The following SLC67A1 variants were observed in gnomAD, a reference collection of about 807,000 sequenced individuals.
The protein encoded by SLC67A1 is solute carrier family 67 member 1.
chr11:2,912,906 T>C, the SLC67A1 span, among the ~76,000 whole-genome samples: 1 of 152,012 alleles, frequency 6.6e-6, no homozygotes, highest in African/African-American at 2.4e-5. Context: ...GCCGGTGCCA[T>C]GGGGGTGCCA....
At chr11:2,903,563 C>A in the SLC67A1 span, 1 of 1,547,504 alleles carries the variant, frequency 6.5e-7, no homozygotes, top group Non-Finnish European at 8.9e-7. Flanking sequence ...CCATCTGGGC[C>A]GTCGCAGAGA....
At chr11:2,919,239 C>T in the SLC67A1 span, 33 of 1,131,474 alleles carry the variant, frequency 2.9e-5, no homozygotes, top group Non-Finnish European at 3.7e-5. Flanking sequence ...GCTGCTGAGG[C>T]GGGAGGGAGG....
the SLC67A1 span, among the ~76,000 whole-genome samples, chr11:2,924,771 A>T: frequency 6.6e-6 from 1 of 151,632 alleles, no homozygotes; most frequent in African/African-American, 2.4e-5. The surrounding 1 kb of genome is among the most constrained non-coding windows in gnomAD (Gnocchi z 8.6). Flanking sequence ...GTGGGTAGAG[A>T]GAGCTGTGTT....
At chr11:2,903,541 TCCTCCTGC>T in the SLC67A1 span, 3 of 1,600,496 alleles carry the variant, frequency 1.9e-6, no homozygotes, top group East Asian at 4.5e-5. Flanking sequence ...GAACCGCTGT[TCCTCCTGC>T]CCTCCATCTG....
chr11:2,919,494 G>A, the SLC67A1 span: 1 of 955,880 alleles, frequency 1.0e-6, no homozygotes, highest in Non-Finnish European at 1.7e-6. Context: ...CTCCCCGGCG[G>A]AGGCTGGGGA....
At chr11:2,908,442 A>T in the SLC67A1 span, 1 of 726,590 alleles carries the variant, frequency 1.4e-6, no homozygotes, top group East Asian at 3.0e-5. Context: ...CCCCCCTGGG[A>T]TGACGGCACT....
the SLC67A1 span, among the ~76,000 whole-genome samples, chr11:2,917,398 C>T: frequency 1.6e-4 from 24 of 152,060 alleles, no homozygotes; most frequent in Admixed American, 1.5e-3. Flanking sequence ...GGGGGAGGGC[C>T]GGGTGGAGAT....
At chr11:2,902,603 G>A in the SLC67A1 span, 7 of 985,530 alleles carry the variant, frequency 7.1e-6, no homozygotes, top group South Asian at 3.3e-4. Context: ...CAGATGTGCA[G>A]TCAGCTGTTA....
the SLC67A1 span, among the ~76,000 whole-genome samples, chr11:2,906,872 CAAAA>C: frequency 1.0e-4 from 14 of 133,698 alleles, no homozygotes; most frequent in Admixed American, 7.9e-4. Context: ...AATAAAAAAA[CAAAA>C]AGAGAGAAAA....
the SLC67A1 span, among the ~76,000 whole-genome samples, chr11:2,911,521 C>A: frequency 3.3e-5 from 5 of 152,172 alleles, no homozygotes; most frequent in South Asian, 4.1e-4. Context: ...GAGGAGGGCA[C>A]GGGGAGGAGC....
chr11:2,913,373 G>C, the SLC67A1 span, among the ~76,000 whole-genome samples: 2 of 152,172 alleles, frequency 1.3e-5, no homozygotes, highest in Non-Finnish European at 2.9e-5. Flanking sequence ...CCTCCTGCTG[G>C]GCCCGTGAGT....
the SLC67A1 span, chr11:2,909,343 G>C: frequency 6.6e-7 from 1 of 1,512,320 alleles, no homozygotes; most frequent in Admixed American, 2.1e-5. Flanking sequence ...GAGCGCTCAT[G>C]CACACGCTGC....
At chr11:2,900,942 A>G in the SLC67A1 span, among the ~76,000 whole-genome samples, 1 of 152,110 alleles carries the variant, frequency 6.6e-6, no homozygotes, top group East Asian at 1.9e-4. Flanking sequence ...CTACAGTCAA[A>G]CAAGAGAGGT....
the SLC67A1 span, chr11:2,919,516 C>T: frequency 1.3e-6 from 1 of 781,058 alleles, no homozygotes; most frequent in East Asian, 2.6e-5. Context: ...CCCTTGGCCT[C>T]CCATCTGGCA....
the SLC67A1 span, chr11:2,920,513 GA>G: frequency 6.6e-6 from 1 of 152,410 alleles, no homozygotes; most frequent in African/African-American, 2.4e-5. Context: ...CTGCAGTGGG[GA>G]CCCTGCCTGA....
chr11:2,902,151 C>G, the SLC67A1 span: 1 of 152,240 alleles, frequency 6.6e-6, no homozygotes, highest in Non-Finnish European at 1.5e-5. Flanking sequence ...CGGGCTCGGC[C>G]AGTGAGAGCG....
the SLC67A1 span, chr11:2,919,353 G>A: frequency 6.2e-7 from 1 of 1,613,962 alleles, no homozygotes; most frequent in Non-Finnish European, 8.5e-7. Context: ...ACTTCTTCCA[G>A]CTGGAGGCCG....
chr11:2,909,758 G>T, the SLC67A1 span: 7 of 1,407,050 alleles, frequency 5.0e-6, no homozygotes, highest in Non-Finnish European at 6.5e-6. Context: ...GACGCCCGCG[G>T]CTGGGTCGGC....
At chr11:2,903,412 T>C in the SLC67A1 span, 3 of 1,613,050 alleles carry the variant, frequency 1.9e-6, no homozygotes, top group Non-Finnish European at 2.5e-6. Context: ...TCTAGGCCGG[T>C]CCTCGGTCAT....
Sources: gnomAD v4.1 joint callset for allele counts (sites outside exome capture counted in the v4.1 genomes callset) on GRCh38, gnomAD v4.1.1 for gene constraint, Gnocchi (gnomAD v3.1) non-coding constraint, MANE v1.5 for transcripts, NCBI Gene and HGNC (gene_info 2026-07-23, HGNC 2026-07-21) for gene names.